Variants in ZIC4 observed in about 807,000 individuals in gnomAD.
ZIC4 encodes the protein zinc finger protein ZIC 4.
In ZIC4, 15 loss-of-function variants were observed where a neutral mutation model predicts 28.8. That is an observed-to-expected ratio of 0.52 (90% CI 0.35 to 0.80). The LOEUF (loss-of-function observed/expected upper bound fraction) is 0.80. Ranked by LOEUF, ZIC4 falls within the 30% of genes least tolerant of loss-of-function variation. The pLI, the probability that ZIC4 is intolerant of heterozygous loss-of-function variation, is 0.01. For missense variants in ZIC4, 512 were observed against 467.1 expected, an observed-to-expected ratio of 1.10 and a Z score of -0.89; for synonymous variants, 220 against 198.1, an observed-to-expected ratio of 1.11 and a Z score of -0.93.
intron 2 of ZIC4, among the ~76,000 whole-genome samples, chr3:147,401,267 T>C (rs957387861): frequency 2.0e-5 from 3 of 152,152 alleles, no homozygotes; most frequent in Non-Finnish European, 4.4e-5. Flanking sequence ...CTTAAATCAC[T>C]GGTTTGAATG....
chr3:147,402,336 A>C (rs1369229479), intron 2 of ZIC4, among the ~76,000 whole-genome samples: 1 of 152,202 alleles, frequency 6.6e-6, no homozygotes, highest in Non-Finnish European at 1.5e-5. Context: ...CTTTCATGGA[A>C]GCCAATACAT....
In ZIC4 at chr3:147,400,638, G is replaced by C. The variant is rs1442811888; in HGVS notation, c.70+2090C>G. On this transcript the variant is annotated intron_variant, in intron 2 of 4. Coordinates refer to ENST00000383075, the MANE Select transcript of ZIC4 (RefSeq NM_032153.6). ...TCTCCTCGAAGGACATTTCCCCAGAGACAGCAATAAGGGATTACATAAGGA... is the reference window on the plus strand; with the variant it reads ...TCTCCTCGAAGGACATTTCCCCAGACACAGCAATAAGGGATTACATAAGGA... Among the ~76,000 whole-genome samples, 5 of 152,224 alleles carry C rather than the reference G, an allele frequency of 3.3e-5. No homozygotes were observed. The East Asian group carries it at 9.6e-4, about 29-fold the overall frequency.
chr3:147,404,028 A>C, intron 1 of ZIC4: 1 of 1,537,230 alleles, frequency 6.5e-7, no homozygotes, highest in Non-Finnish European at 8.7e-7. Flanking sequence ...CCCCAAAGGT[A>C]ATAAGCTCCT....
intron 4 of ZIC4, among the ~76,000 whole-genome samples, chr3:147,390,202 G>T (rs1359775114): frequency 6.8e-6 from 1 of 146,346 alleles, no homozygotes; most frequent in Admixed American, 6.8e-5. Flanking sequence ...CTGAAAAGAC[G>T]ATGAATCTCC....
chr3:147,388,144 CG>C lies in ZIC4; in HGVS notation c.*714del, dbSNP rs1431727499. 2 of 152,542 alleles carry C rather than the reference CG, an allele frequency of 1.3e-5. No homozygotes were observed. Among genetic ancestry groups the C allele is most frequent in the African/African-American group, 2.4e-5 (1 of 41,400 alleles). The allele number at this position is 152,542 out of a possible 1,614,324, so 9.4% of individuals were successfully genotyped here. ...TAGAAAGGAAGTATATACTGGAGAG[CG>C]CAGTGACAGTATTAAATGGCGTGAA... On this transcript the variant is annotated 3_prime_UTR_variant, in exon 5 of 5. Coordinates refer to ENST00000383075, the MANE Select transcript of ZIC4 (RefSeq NM_032153.6).
chr3:147,397,643 T>A (rs1205998843), intron 2 of ZIC4, among the ~76,000 whole-genome samples: 1 of 151,848 alleles, frequency 6.6e-6, no homozygotes, highest in South Asian at 2.1e-4. Flanking sequence ...GGCAGCATCG[T>A]GTGCGCAGAG....
chr3:147,405,287 C>A (rs977064749), intron 1 of ZIC4: 2 of 1,285,094 alleles, frequency 1.6e-6, no homozygotes, highest in Non-Finnish European at 2.1e-6. Context: ...AACCTGCAGG[C>A]GGCTGAGACA....
chr3:147,395,210 T>C (rs1287662728), intron 3 of ZIC4, among the ~76,000 whole-genome samples: 1 of 152,232 alleles, frequency 6.6e-6, no homozygotes, highest in Admixed American at 6.5e-5. Flanking sequence ...CCTTTTTTTC[T>C]GTTAACTAGA....
rs1388057062 is a variant in ZIC4, at chr3:147,406,410, G to C, written c.-63C>G. On this transcript the variant is annotated 5_prime_UTR_variant, in exon 1 of 5. Transcript: ENST00000383075. ...TCGCCTCATTTCTGCACATCATTTC[G>C]GGGTGGCTGAGAGGGGACCACAAAC... The C allele has an allele frequency of 6.6e-6, 1 of 152,562 alleles. No individual in the cohort carries two copies. Among genetic ancestry groups the C allele is most frequent in the Non-Finnish European group, 1.5e-5 (1 of 68,104 alleles). The allele number at this position is 152,562 out of a possible 1,614,324, so 9.5% of individuals were successfully genotyped here.
chr3:147,399,019 A>T (rs2087110766), intron 2 of ZIC4, among the ~76,000 whole-genome samples: 1 of 151,990 alleles, frequency 6.6e-6, no homozygotes, highest in Non-Finnish European at 1.5e-5. Flanking sequence ...CTACTTAGAC[A>T]CGTCCAGGTC....
chr3:147,389,647 C>A (rs1177319783), intron 4 of ZIC4, among the ~76,000 whole-genome samples: 1 of 151,850 alleles, frequency 6.6e-6, no homozygotes, highest in African/African-American at 2.4e-5. Context: ...CTTTCTCGCC[C>A]CCTCCTTCAA....
Position 147,388,684 on chromosome 3 carries a change from C to T in ZIC4, c.*175G>A, listed in dbSNP as rs1188822053. 3 of 610,940 alleles carry T rather than the reference C, an allele frequency of 4.9e-6. No individual in the cohort carries two copies. Among genetic ancestry groups the T allele is most frequent in the African/African-American group, 3.7e-5 (2 of 54,130 alleles). The allele number at this position is 610,940 out of a possible 1,614,324, so 37.8% of individuals were successfully genotyped here. ...AAGCCTGGACGGGCTCCAGGCTTGGCCTTTCAGGATTTCAGTGCGACTTGC... is the reference window on the plus strand; with the variant it reads ...AAGCCTGGACGGGCTCCAGGCTTGGTCTTTCAGGATTTCAGTGCGACTTGC... On this transcript the variant is annotated 3_prime_UTR_variant, in exon 5 of 5. Coordinates refer to ENST00000383075, the MANE Select transcript of ZIC4 (RefSeq NM_032153.6).
Position 147,389,534 on chromosome 3 carries a change from C to T in ZIC4, c.*-675G>A, listed in dbSNP as rs533642197. On this transcript the variant is annotated intron_variant, in intron 4 of 4. Coordinates refer to ENST00000383075, the MANE Select transcript of ZIC4 (RefSeq NM_032153.6). The stretch of plus-strand genomic sequence containing the variant: ...ATTATTTTATTTTCCTTTACTTCTT[C>T]AAGTCTTAGCTAGGATTTTGGGGCA... Among the ~76,000 whole-genome samples the T allele has an allele frequency of 5.9e-5, 9 of 152,196 alleles. 1 individual carries two copies. The South Asian group carries it at 1.9e-3, about 32-fold the overall frequency.
In ZIC4 at chr3:147,388,722, A is replaced by T. The variant is rs1234663587; in HGVS notation, c.*137T>A. On this transcript the variant is annotated 3_prime_UTR_variant, in exon 5 of 5. Transcript: ENST00000383075. ...CAGTGCGACTTGCACATTGCCATAGAAATCCTAACTTACCATGAAGATGCA... is the reference window on the plus strand; with the variant it reads ...CAGTGCGACTTGCACATTGCCATAGTAATCCTAACTTACCATGAAGATGCA... The T allele has an allele frequency of 4.4e-6, 3 of 679,130 alleles. No individual in the cohort carries two copies. The Admixed American group carries it at 7.5e-5, about 17-fold the overall frequency. 42.1% of individuals were successfully genotyped at this position (679,130 alleles called of 1,614,324 possible).
rs541627936 is a variant in ZIC4, at chr3:147,403,954, G to C, written c.-15-1142C>G. 6.6e-5 allele frequency: 102 copies of C among 1,536,272 alleles called. No homozygotes were observed. Among genetic ancestry groups the C allele is most frequent in the Admixed American group, 9.8e-5 (5 of 50,940 alleles). On this transcript the variant is annotated intron_variant, in intron 1 of 4. Coordinates refer to ENST00000383075, the MANE Select transcript of ZIC4 (RefSeq NM_032153.6). ...AGGTCCAGGCCTAGGAGGCAGGGGG[G>C]TAGACTCACCTTTTCCCAGAGGGTA...
intron 3 of ZIC4, chr3:147,392,462 C>A: frequency 1.0e-6 from 1 of 984,620 alleles, no homozygotes; most frequent in Non-Finnish European, 1.2e-6. Context: ...AGGAAAGGAC[C>A]CCGAGAACCC....
rs190162783 is a variant in ZIC4, at chr3:147,393,592, C to T, written c.688+2260G>A. On this transcript the variant is annotated intron_variant, in intron 3 of 4. Transcript: ENST00000383075. Reference sequence around the variant, plus strand: ...AAAGGCCTCCTCTCCGACCCTGAGCCGGGTCCGCCGAACAAAGTTCGGAAG... The same window carrying T: ...AAAGGCCTCCTCTCCGACCCTGAGCTGGGTCCGCCGAACAAAGTTCGGAAG... The T allele has an allele frequency of 1.1e-3, 300 of 282,244 alleles. 1 individual carries two copies. Among genetic ancestry groups the T allele is most frequent in the African/African-American group, 6.3e-3 (277 of 43,730 alleles). The allele number at this position is 282,244 out of a possible 1,614,324, so 17.5% of individuals were successfully genotyped here. A position where few individuals can be genotyped will look rare whatever the true frequency, so the allele number is the denominator to read the frequency against.
chr3:147,402,434 C>G (rs1410555318), intron 2 of ZIC4, among the ~76,000 whole-genome samples: 1 of 152,070 alleles, frequency 6.6e-6, no homozygotes, highest in Non-Finnish European at 1.5e-5. Context: ...TGCAGAAGGT[C>G]AGGGGTGGTT....
At chr3:147,404,099 G>T in intron 1 of ZIC4, 2 of 1,536,528 alleles carry the variant, frequency 1.3e-6, no homozygotes, top group Non-Finnish European at 1.7e-6. Context: ...AGGGCGGCAT[G>T]CTGGGCGTCC....
Sources: allele counts gnomAD v4.1 joint callset (sites outside exome capture counted in the v4.1 genomes callset), GRCh38; gene constraint gnomAD v4.1.1; transcripts MANE v1.5; gene names NCBI Gene and HGNC (gene_info 2026-07-23, HGNC 2026-07-21).